The following DNAAF11 variants were observed in gnomAD, a reference collection of about 807,000 sequenced individuals.
The protein encoded by DNAAF11 is leucine rich repeat containing 6.
A neutral mutation model predicts 60.8 loss-of-function variants in DNAAF11; 45 were observed. The ratio of observed to expected loss-of-function variants is 0.74; its 90% CI spans 0.58 to 0.95. DNAAF11 has a LOEUF of 0.95. DNAAF11 is among the 40% of genes least tolerant of loss of function. The probability of loss-of-function intolerance (pLI) is 0.00; values close to 1 mark genes in which losing one functional copy is unlikely to be tolerated. For synonymous variants in DNAAF11, 191 were observed against 183.5 expected (o/e 1.04, Z -0.33); for missense variants, 546 against 546.2 (o/e 1.00, Z 0.00).
At chr8:132,665,173 C>T (rs969408437) in intron 1 of DNAAF11, among the ~76,000 whole-genome samples, 13 of 151,994 alleles carry the variant, frequency 8.6e-5, no homozygotes, top group Admixed American at 5.2e-4. Context: ...TTTTATAGCG[C>T]TGAGGAAATT....
intron 10 of DNAAF11, among the ~76,000 whole-genome samples, chr8:132,595,090 C>G (rs1273662111): frequency 6.6e-6 from 1 of 152,050 alleles, no homozygotes; most frequent in Non-Finnish European, 1.5e-5. Flanking sequence ...TCAATTAAAC[C>G]TCTTTCCTTT....
At chr8:132,598,533 C>A (rs1405282724) in intron 10 of DNAAF11, among the ~76,000 whole-genome samples, 1 of 152,144 alleles carries the variant, frequency 6.6e-6, no homozygotes, top group Non-Finnish European at 1.5e-5. Context: ...TCTTTCAGGG[C>A]AGGGGCCAAG....
At chr8:132,617,266 C>G (rs996610480) in intron 7 of DNAAF11, among the ~76,000 whole-genome samples, 1 of 152,020 alleles carries the variant, frequency 6.6e-6, no homozygotes, top group Non-Finnish European at 1.5e-5. Context: ...AAAGGGAAGA[C>G]AGCTGAGGAG....
chr8:132,605,639 A>T (rs1818049536), intron 10 of DNAAF11, among the ~76,000 whole-genome samples: 2 of 152,168 alleles, frequency 1.3e-5, no homozygotes, highest in Admixed American at 1.3e-4. Flanking sequence ...ACAATTAAAT[A>T]TTTAGACTGT....
At chr8:132,687,541 G>A in the DNAAF11 span, 1 of 453,400 alleles carries the variant, frequency 2.2e-6, no homozygotes, top group Non-Finnish European at 4.4e-6. Flanking sequence ...GCTGTAACAG[G>A]TTCCGTCATC....
the DNAAF11 span, among the ~76,000 whole-genome samples, chr8:132,691,050 A>G: frequency 6.7e-6 from 1 of 150,338 alleles, no homozygotes. Context: ...GAAAGTCACT[A>G]TGTGTAGCCC....
intron 10 of DNAAF11, among the ~76,000 whole-genome samples, chr8:132,595,347 GGAAAAAAAAAAAAAAAA>G (rs1372556068): frequency 4.9e-5 from 2 of 40,680 alleles, no homozygotes; most frequent in African/African-American, 8.0e-5. Context: ...GAGACAGAGG[GGAAAAAAAAAAAAAAAA>G]AAAAAAAAAA....
At position 132,575,511 on chromosome 8, in the gene DNAAF11, A is replaced by G. The variant is rs187902767; in HGVS notation, c.1227-3031T>C. Among the ~76,000 whole-genome samples, 8 of 152,274 alleles carry G rather than the reference A, an allele frequency of 5.3e-5. No homozygotes were observed. The South Asian group carries it at 1.7e-3, about 32-fold the overall frequency. ...AGACATGGTGTATGCCCACAATCAA[A>G]TGAGGAGGACACACGTATACTGGGC... On this transcript the variant is annotated intron_variant, in intron 11 of 11. Coordinates refer to ENST00000620350, the MANE Select transcript of DNAAF11 (RefSeq NM_012472.6).
In DNAAF11 at chr8:132,649,353, A is replaced by AT. The variant is rs554236612; in HGVS notation, c.256+7476_256+7477insA. 4.1e-3 allele frequency among the ~76,000 whole-genome samples: 627 copies of AT among 152,258 alleles called. 10 individuals carry two copies. Among genetic ancestry groups the AT allele is most frequent in the African/African-American group, 0.014 (591 of 41,562 alleles). On this transcript the variant is annotated intron_variant, in intron 3 of 11. Coordinates refer to ENST00000620350, the MANE Select transcript of DNAAF11 (RefSeq NM_012472.6). ...AAACTGGATCCCTTCCTTACACCTT[A>AT]ACAAAAATTAATTTGAGATGGATTA...
intron 10 of DNAAF11, among the ~76,000 whole-genome samples, chr8:132,598,051 T>C (rs1179437200): frequency 6.6e-6 from 1 of 152,216 alleles, no homozygotes; most frequent in African/African-American, 2.4e-5. Flanking sequence ...TTGTGTTCAT[T>C]TGGAAACATA....
intron 3 of DNAAF11, among the ~76,000 whole-genome samples, chr8:132,654,871 A>G (rs1454828934): frequency 6.6e-6 from 1 of 151,964 alleles, no homozygotes; most frequent in Non-Finnish European, 1.5e-5. Flanking sequence ...AAGAAACTAG[A>G]AAAAAGAGAA....
intron 10 of DNAAF11, among the ~76,000 whole-genome samples, chr8:132,590,908 C>T (rs1303968194): frequency 6.6e-6 from 1 of 152,174 alleles, no homozygotes; most frequent in African/African-American, 2.4e-5. Flanking sequence ...CATTGCTATT[C>T]AAAATTATAT....
At chr8:132,585,516 C>T (rs1225576426) in intron 10 of DNAAF11, among the ~76,000 whole-genome samples, 1 of 152,070 alleles carries the variant, frequency 6.6e-6, no homozygotes, top group Admixed American at 6.6e-5. Flanking sequence ...AAGTGGACGG[C>T]AAGACTTTTG....
the DNAAF11 span, among the ~76,000 whole-genome samples, chr8:132,686,633 T>C: frequency 2.0e-5 from 3 of 152,030 alleles, no homozygotes; most frequent in Non-Finnish European, 4.4e-5. Flanking sequence ...AGGTAGATCA[T>C]GAGTCAGCCG....
the DNAAF11 span, among the ~76,000 whole-genome samples, chr8:132,689,276 AG>A: frequency 2.6e-5 from 4 of 152,202 alleles, no homozygotes; most frequent in East Asian, 1.9e-4. Context: ...GAAGCTATGA[AG>A]TACTTACGAA....
At chr8:132,613,227 G>C (rs1818836396) in intron 8 of DNAAF11, among the ~76,000 whole-genome samples, 1 of 152,160 alleles carries the variant, frequency 6.6e-6, no homozygotes, top group African/African-American at 2.4e-5. Flanking sequence ...GGAGAGGAAG[G>C]GACCACACTA....
chr8:132,677,617 A>G (rs534924237), upstream of DNAAF11, among the ~76,000 whole-genome samples: 55 of 152,028 alleles, frequency 3.6e-4, no homozygotes, highest in African/African-American at 1.3e-3. Flanking sequence ...TAAAATTAAT[A>G]TATATAGTCC....
At chr8:132,588,759 G>T (rs1027298188) in intron 10 of DNAAF11, among the ~76,000 whole-genome samples, 2 of 152,146 alleles carry the variant, frequency 1.3e-5, no homozygotes, top group African/African-American at 4.8e-5. Context: ...ATTGACTCAT[G>T]GCTCTGCAGA....
chr8:132,622,662 G>C lies in DNAAF11; in HGVS notation c.863C>G (p.Pro288Arg). ...CCCATCTTCAGTGATCAAAGTCCTGGGTGGTTTCACTTTCTTCTTTTTTTC... is the reference window on the plus strand; with the variant it reads ...CCCATCTTCAGTGATCAAAGTCCTGCGTGGTTTCACTTTCTTCTTTTTTTC... ...LSEKKKKVKP[P>R]RTLITEDGKA... Residue 288 changes from proline (P) to arginine (R), a missense_variant, in exon 7 of 12, where the codon CCC becomes CGC. Pro to Arg is a moderately radical substitution (Grantham distance 103). Transcript: ENST00000620350. 6.2e-7 allele frequency: 1 copy of C among 1,613,434 alleles called. No individual in the cohort carries two copies. The highest frequency in any genetic ancestry group is 8.5e-7 in the Non-Finnish European group (1 of 1,179,634).
Sources: gnomAD v4.1 joint callset for allele counts (sites outside exome capture counted in the v4.1 genomes callset) on GRCh38, gnomAD v4.1.1 for gene constraint, MANE v1.5 for transcripts, NCBI Gene and HGNC (gene_info 2026-07-23, HGNC 2026-07-21) for gene names.